MYL12A: variants seen among roughly 807,000 people sequenced by gnomAD.
MYL12A encodes the protein myosin regulatory light chain 12A.
In MYL12A, 11 loss-of-function variants were observed where a neutral mutation model predicts 13.3. The observed-to-expected ratio is 0.83, with a 90% CI of 0.52 to 1.37. The LOEUF is 1.37. Among genes scored for constraint, MYL12A ranks in the 40% most tolerant of loss-of-function variants. The pLI is 0.00. For missense variants in MYL12A, 146 were observed against 212.3 expected, an observed-to-expected ratio of 0.69 and a Z score of 1.94; for synonymous variants, 51 against 69.9, an observed-to-expected ratio of 0.73 and a Z score of 1.35.
intron 3 of MYL12A, 102 bp downstream of exon 3, chr18:3,254,152 C>A: frequency 7.6e-7 from 1 of 1,319,974 alleles, no homozygotes; most frequent in Non-Finnish European, 1.0e-6. Flanking sequence ...CAGGTTTGTA[C>A]TACACCTATT....
chr18:3,254,149 GTAC>G, intron 3 of MYL12A, 99 bp downstream of exon 3: 1 of 1,332,200 alleles, frequency 7.5e-7, no homozygotes, highest in Non-Finnish European at 1.0e-6. Flanking sequence ...TCTCAGGTTT[GTAC>G]TACACCTATT....
chr18:3,252,073 G>A (rs1316890218), intron 1 of MYL12A: 1 of 403,182 alleles, frequency 2.5e-6, no homozygotes, highest in African/African-American at 2.1e-5. Flanking sequence ...TCACTTTGGA[G>A]TGCTGAGATC....
At chr18:3,252,132 T>A (rs16944555) in intron 1 of MYL12A, 1 of 471,704 alleles carries the variant, frequency 2.1e-6, no homozygotes, top group Non-Finnish European at 3.7e-6. Flanking sequence ...TTTAGACCAA[T>A]GGCATAGTGT....
rs1299769574 is a variant in MYL12A at position 3,250,428 on chromosome 18, T to C, written c.-16+2519T>C. Among the ~76,000 whole-genome samples, 3 of 152,182 alleles carry C rather than the reference T, an allele frequency of 2.0e-5. 1 individual carries two copies. The highest frequency in any genetic ancestry group is 2.0e-4 in the Admixed American group (3 of 15,284). On this transcript the variant is annotated intron_variant, in intron 1 of 3. Transcript: ENST00000217652. ...CTGCTCCTTGAGATCATAGCACTGTTCCTGATTTGACTCCCTCCACCATTA... is the reference window on the plus strand; with the variant it reads ...CTGCTCCTTGAGATCATAGCACTGTCCCTGATTTGACTCCCTCCACCATTA...
At position 3,251,419 on chromosome 18, in the gene MYL12A, A is replaced by G. The variant is rs369211729; in HGVS notation, c.-15-1814A>G. ...AGCTGACATTTCTGCATCATTAGGG[A>G]AAGACAATGTTGTCACACAAAACAG... On this transcript the variant is annotated intron_variant, in intron 1 of 3. Coordinates refer to ENST00000217652, the MANE Select transcript of MYL12A (RefSeq NM_006471.4). Among the ~76,000 whole-genome samples, 85 of 152,318 alleles carry G rather than the reference A, an allele frequency of 5.6e-4. 1 individual carries two copies. The highest frequency in any genetic ancestry group is 1.9e-3 in the African/African-American group (80 of 41,576).
intron 1 of MYL12A, among the ~76,000 whole-genome samples, chr18:3,250,717 T>C (rs55788151): frequency 0.15 from 22,796 of 152,214 alleles, 1,811 homozygotes; most frequent in East Asian, 0.26. Context: ...CTAACAATGC[T>C]TTGTAGCTTC....
At chr18:3,254,896 C>T (rs2081521839) in intron 3 of MYL12A, among the ~76,000 whole-genome samples, 1 of 152,228 alleles carries the variant, frequency 6.6e-6, no homozygotes, top group Non-Finnish European at 1.5e-5. Context: ...GTTGCCAGGG[C>T]CTGCTGATGG....
At chr18:3,253,728 C>T (rs918747224) in intron 2 of MYL12A, 161 bp from the exon 3 acceptor site, 6 of 787,914 alleles carry the variant, frequency 7.6e-6, no homozygotes, top group East Asian at 2.7e-5. Context: ...TTTAATAGGC[C>T]CTATTCATTA....
chr18:3,254,013 C>T lies in MYL12A; in HGVS notation c.306C>T (p.Ile102=), dbSNP rs772051206. ...KLNGTDPEDV[I]RNAFACFDEE... Reference sequence around the variant, plus strand: ...ATGGCACAGATCCTGAAGATGTCATCAGAAATGCCTTTGCTTGCTTTGATG... The same window carrying T: ...ATGGCACAGATCCTGAAGATGTCATTAGAAATGCCTTTGCTTGCTTTGATG... The change falls in exon 3 of 4, where the codon ATC becomes ATT. Residue 102 remains isoleucine (I), a synonymous_variant. Transcript: ENST00000217652. 1 of 1,613,300 alleles carries T rather than the reference C, an allele frequency of 6.2e-7. No homozygotes were observed. The highest frequency in any genetic ancestry group is 8.5e-7 in the Non-Finnish European group (1 of 1,179,688).
chr18:3,252,196 A>C (rs774912067), intron 1 of MYL12A: 4 of 703,782 alleles, frequency 5.7e-6, no homozygotes, highest in Non-Finnish European at 2.3e-6. Flanking sequence ...TAAAATTGTT[A>C]TCCTGGTCAG....
chr18:3,248,969 G>T (rs1368855699), intron 1 of MYL12A, among the ~76,000 whole-genome samples: 2 of 151,894 alleles, frequency 1.3e-5, no homozygotes, highest in Admixed American at 1.3e-4. Context: ...GGTATATTTG[G>T]TCAGGGTTTA....
At chr18:3,254,376 T>C (rs2081517514) in intron 3 of MYL12A, among the ~76,000 whole-genome samples, 1 of 152,238 alleles carries the variant, frequency 6.6e-6, no homozygotes, top group South Asian at 2.1e-4. Context: ...GTATAAATTG[T>C]TATAGGCCAT....
At chr18:3,251,503 C>T (rs1029248056) in intron 1 of MYL12A, among the ~76,000 whole-genome samples, 1 of 152,148 alleles carries the variant, frequency 6.6e-6, no homozygotes, top group East Asian at 1.9e-4. Context: ...AATATTAAAG[C>T]GATATGGACT....
chr18:3,252,456 A>T, intron 1 of MYL12A: 1 of 1,293,284 alleles, frequency 7.7e-7, no homozygotes, highest in South Asian at 1.8e-5. Context: ...TTTAATTTTA[A>T]CTTAAATTTT....
chr18:3,250,518 G>GT (rs760220819), intron 1 of MYL12A, among the ~76,000 whole-genome samples: 5 of 152,176 alleles, frequency 3.3e-5, no homozygotes, highest in Non-Finnish European at 5.9e-5. Context: ...TTTTGGAACA[G>GT]TGACTGTGCA....
chr18:3,248,289 C>G lies in MYL12A; in HGVS notation c.-16+380C>G, dbSNP rs551484712. 4 of 152,328 alleles carry G rather than the reference C, an allele frequency of 2.6e-5. No individual in the cohort carries two copies. In the East Asian group the frequency reaches 5.8e-4, roughly 22 times the overall value. 9.4% of individuals were successfully genotyped at this position (152,328 alleles called of 1,614,324 possible). A position where few individuals can be genotyped will look rare whatever the true frequency, so the allele number is the denominator to read the frequency against. On this transcript the variant is annotated intron_variant, in intron 1 of 3. Transcript: ENST00000217652. ...CCCCCTGCTGCAGCTGTTGTTGCAG[C>G]TGTGTGGCTGCGTTTAGTAGGAATA...
At chr18:3,255,325 T>A (rs2081525868) in intron 3 of MYL12A, 1 of 153,684 alleles carries the variant, frequency 6.5e-6, no homozygotes, top group Admixed American at 6.5e-5. Context: ...ACTGTACCAC[T>A]TTATTGATGT....
At chr18:3,251,023 ATAAT>A (rs5822747) in intron 1 of MYL12A, among the ~76,000 whole-genome samples, 22,648 of 151,952 alleles carry the variant, frequency 0.15, 1,763 homozygotes, top group East Asian at 0.26. Flanking sequence ...AGTATTCAAC[ATAAT>A]TAATATGACG....
chr18:3,251,594 C>G (rs946389954), intron 1 of MYL12A, among the ~76,000 whole-genome samples: 1 of 152,150 alleles, frequency 6.6e-6, no homozygotes, highest in East Asian at 1.9e-4. Context: ...ATAATATATT[C>G]TATATCTCTT....
Sources: gnomAD v4.1 joint callset for allele counts (sites outside exome capture counted in the v4.1 genomes callset) on GRCh38, gnomAD v4.1.1 for gene constraint, MANE v1.5 for transcripts, NCBI Gene and HGNC (gene_info 2026-07-23, HGNC 2026-07-21) for gene names.